Variants in EAF2 observed in about 807,000 individuals in gnomAD.
EAF2 encodes the protein ELL-associated factor 2.
A neutral mutation model predicts 29.4 loss-of-function variants in EAF2; 29 were observed. That is an observed-to-expected ratio of 0.99 (90% CI 0.73 to 1.35). The LOEUF is 1.35. Ranked by LOEUF, EAF2 falls within the 40% of genes most tolerant of loss-of-function variation. The pLI is 0.00. For synonymous variants in EAF2, 103 were observed against 102.5 expected (o/e 1.00, Z -0.03); for missense variants, 292 against 312.0 (o/e 0.94, Z 0.48).
intron 2 of EAF2, among the ~76,000 whole-genome samples, chr3:121,845,459 A>AAAAG (rs1553726217): frequency 0.026 from 2,526 of 96,394 alleles, 330 homozygotes; most frequent in African/African-American, 0.043. Context: ...AAAAAAAAAA[A>AAAAG]AAAGAAAGAA....
intron 2 of EAF2, 101 bp downstream of exon 2, chr3:121,844,648 T>C (rs1708491758): frequency 2.7e-6 from 2 of 752,476 alleles, no homozygotes; most frequent in Non-Finnish European, 4.2e-6. Context: ...TTGGTTAAAG[T>C]AATTAGTAAG....
At chr3:121,871,572 C>A (rs1322859494) in intron 4 of EAF2, among the ~76,000 whole-genome samples, 1 of 151,876 alleles carries the variant, frequency 6.6e-6, no homozygotes, top group African/African-American at 2.4e-5. Flanking sequence ...GTACGAAGAA[C>A]ATAGCCTGGA....
chr3:121,859,444 A>T (rs1232993800), intron 4 of EAF2, among the ~76,000 whole-genome samples: 1 of 152,002 alleles, frequency 6.6e-6, no homozygotes, highest in Non-Finnish European at 1.5e-5. Context: ...TGTGAATGGG[A>T]GTTCACTCAT....
chr3:121,873,983 C>T (rs1368222771), intron 5 of EAF2, among the ~76,000 whole-genome samples: 1 of 151,758 alleles, frequency 6.6e-6, no homozygotes, highest in Non-Finnish European at 1.5e-5. Flanking sequence ...GTGTGATTTG[C>T]TCTCTTTCTC....
At chr3:121,866,212 T>TC in intron 4 of EAF2, among the ~76,000 whole-genome samples, 1 of 152,068 alleles carries the variant, frequency 6.6e-6, no homozygotes, top group Non-Finnish European at 1.5e-5. Flanking sequence ...CCAGCAGGGA[T>TC]CATCGGGGAC....
intron 1 of EAF2, chr3:121,836,592 T>A (rs1708293234): frequency 1.0e-6 from 1 of 970,952 alleles, no homozygotes; most frequent in African/African-American, 1.8e-5. Flanking sequence ...GAACAGAAAC[T>A]CTTCAACAGT....
At chr3:121,881,224 A>G (rs1213958513) in intron 5 of EAF2, among the ~76,000 whole-genome samples, 3 of 152,190 alleles carry the variant, frequency 2.0e-5, no homozygotes, top group Non-Finnish European at 4.4e-5. Context: ...TGCTGGCCTC[A>G]TAGAATGAGT....
rs1409743259 is a variant in EAF2 at position 121,841,230 on chromosome 3, A to G, written c.107-3223A>G. ...ATTAGAAAGTTGAGGACTACCGGGC[A>G]TGGTGGCTCACGCCTGTAATCCCAG... On this transcript the variant is annotated intron_variant, in intron 1 of 5. Transcript: ENST00000273668. Among the ~76,000 whole-genome samples, 3 of 152,020 alleles carry G rather than the reference A, an allele frequency of 2.0e-5. No homozygotes were observed. In the East Asian group the frequency reaches 5.8e-4, roughly 29 times the overall value.
chr3:121,873,895 A>G (rs1709057486), intron 5 of EAF2, among the ~76,000 whole-genome samples: 1 of 151,868 alleles, frequency 6.6e-6, no homozygotes, highest in African/African-American at 2.4e-5. Flanking sequence ...ACAAGCTCCT[A>G]TCTTTTACAG....
intron 3 of EAF2, among the ~76,000 whole-genome samples, chr3:121,855,365 G>C (rs927430707): frequency 6.6e-6 from 1 of 152,094 alleles, no homozygotes; most frequent in African/African-American, 2.4e-5. Context: ...CATGCAAATA[G>C]TATAGACAAA....
Position 121,865,469 on chromosome 3 carries a change from A to T in EAF2, c.485-7068A>T, listed in dbSNP as rs578079965. 9.9e-5 allele frequency among the ~76,000 whole-genome samples: 15 copies of T among 152,186 alleles called. No individual in the cohort carries two copies. The East Asian group carries it at 2.9e-3, about 29-fold the overall frequency. On this transcript the variant is annotated intron_variant, in intron 4 of 5. Transcript: ENST00000273668. The stretch of plus-strand genomic sequence containing the variant: ...ATGGTTGAATCACCTTTTCAGGTTT[A>T]TGTCTGGCAGTTGTACTAATATTTT...
chr3:121,869,843 T>G (rs983287253), intron 4 of EAF2, among the ~76,000 whole-genome samples: 4 of 152,028 alleles, frequency 2.6e-5, no homozygotes, highest in Non-Finnish European at 4.4e-5. Context: ...GAGCCATAAT[T>G]GTGCCACTGC....
At chr3:121,858,803 G>T (rs1222778544) in intron 4 of EAF2, among the ~76,000 whole-genome samples, 1 of 152,144 alleles carries the variant, frequency 6.6e-6, no homozygotes, top group African/African-American at 2.4e-5. Context: ...ATGGTTTTAG[G>T]TCTAACATTT....
At chr3:121,858,175 G>C (rs1460857469) in intron 4 of EAF2, among the ~76,000 whole-genome samples, 1 of 152,182 alleles carries the variant, frequency 6.6e-6, no homozygotes, top group Non-Finnish European at 1.5e-5. Context: ...AATCCTTCGG[G>C]TATATACCCA....
intron 1 of EAF2, among the ~76,000 whole-genome samples, chr3:121,841,561 AAGAT>A (rs1708432215): frequency 6.9e-6 from 1 of 144,590 alleles, no homozygotes; most frequent in African/African-American, 2.6e-5. Flanking sequence ...AGAAAGAAAA[AAGAT>A]AGAAAGAAAT....
intron 3 of EAF2, among the ~76,000 whole-genome samples, chr3:121,855,279 T>C (rs998738878): frequency 6.6e-6 from 1 of 152,208 alleles, no homozygotes; most frequent in African/African-American, 2.4e-5. Context: ...TAGGAGAATA[T>C]ACCCATCTCA....
intron 2 of EAF2, 45 bp from the exon 3 acceptor site, chr3:121,854,642 T>C: frequency 7.0e-7 from 1 of 1,433,444 alleles, no homozygotes; most frequent in Non-Finnish European, 9.2e-7. Flanking sequence ...CCCAAGTGAA[T>C]TCCTATGATA....
At chr3:121,849,271 GGT>G (rs1559819495) in intron 2 of EAF2, among the ~76,000 whole-genome samples, 1 of 151,744 alleles carries the variant, frequency 6.6e-6, no homozygotes, top group Non-Finnish European at 1.5e-5. Context: ...TCTTTGATAG[GGT>G]AGATTTTCTA....
At position 121,853,646 on chromosome 3, in the gene EAF2, C is replaced by G. The variant is rs1708670530; in HGVS notation, c.202-1041C>G. Among the ~76,000 whole-genome samples, 3 of 152,142 alleles carry G rather than the reference C, an allele frequency of 2.0e-5. No individual in the cohort carries two copies. The South Asian group carries it at 6.2e-4, about 32-fold the overall frequency. On this transcript the variant is annotated intron_variant, in intron 2 of 5. Transcript: ENST00000273668. ...TTGTTGGAAAAACCGTACTATCTGT[C>G]CTAGAGAATATACCTACATTCTGGA... is the stretch of plus-strand genomic sequence containing the variant.
Sources: allele counts gnomAD v4.1 joint callset (sites outside exome capture counted in the v4.1 genomes callset), GRCh38; gene constraint gnomAD v4.1.1; transcripts MANE v1.5; gene names NCBI Gene and HGNC (gene_info 2026-07-23, HGNC 2026-07-21).